The following OGFOD3 variants were observed in gnomAD, a reference collection of about 807,000 sequenced individuals.
The protein encoded by OGFOD3 is 2-oxoglutarate and iron dependent oxygenase domain containing 3.
Under a neutral mutation model 39.8 loss-of-function variants are expected in OGFOD3, and 35 were observed. The observed-to-expected ratio is 0.88, with a 90% confidence interval of 0.67 to 1.17. The LOEUF is 1.17. Ranked by LOEUF, OGFOD3 falls within the 50% of genes most tolerant of loss-of-function variation. The probability of loss-of-function intolerance (pLI) is 0.00; values close to 1 mark genes in which losing one functional copy is unlikely to be tolerated. For missense variants in OGFOD3, 438 were observed against 454.5 expected, an observed-to-expected ratio of 0.96 and a Z score of 0.33; for synonymous variants, 200 against 192.0, an observed-to-expected ratio of 1.04 and a Z score of -0.34.
At position 82,415,852 on chromosome 17, in the gene OGFOD3, G is replaced by A. The variant is rs1025543809; in HGVS notation, c.75-225C>T. ...TACACACTAACTGCCTTCTGAGCCC[G>A]GGAGTTTGAGAAATATTGCAATAGA... On this transcript the variant is annotated intron_variant, in intron 1 of 8. Coordinates refer to ENST00000313056, the MANE Select transcript of OGFOD3 (RefSeq NM_024648.3). The surrounding 1 kb of genome is among the most constrained non-coding windows in gnomAD (Gnocchi z 5.3). Among the ~76,000 whole-genome samples the A allele has an allele frequency of 6.6e-6, 1 of 151,812 alleles. No individual in the cohort carries two copies. The highest frequency in any genetic ancestry group is 2.4e-5 in the African/African-American group (1 of 41,260).
At chr17:82,402,410 G>A (rs956004748) in intron 7 of OGFOD3, among the ~76,000 whole-genome samples, 2 of 150,464 alleles carry the variant, frequency 1.3e-5, no homozygotes, top group East Asian at 3.9e-4. Flanking sequence ...ACTCCAACCT[G>A]GGCAACAGAA....
Position 82,404,128 on chromosome 17 carries a change from C to T in OGFOD3, c.546-38G>A, listed in dbSNP as rs749647456. On this transcript the variant is annotated intron_variant, in intron 6 of 8. Coordinates refer to ENST00000313056, the MANE Select transcript of OGFOD3 (RefSeq NM_024648.3). This position sits in a 1 kb window ranked among gnomAD's most constrained non-coding sequence, Gnocchi z 4.5. ...CAATAGCCGTCAGCGCAGCCCCAGG[C>T]GGGAGGGGACGCTCGTGGGTCCCAA... is the stretch of plus-strand genomic sequence containing the variant. 12 of 1,525,760 alleles carry T rather than the reference C, an allele frequency of 7.9e-6. No individual in the cohort carries two copies. Among genetic ancestry groups the T allele is most frequent in the South Asian group, 1.3e-5 (1 of 78,474 alleles). 94.5% of individuals were successfully genotyped at this position (1,525,760 alleles called of 1,614,324 possible). A position where few individuals can be genotyped will look rare whatever the true frequency, so the allele number is the denominator to read the frequency against.
rs1312048740 is a variant in OGFOD3 at position 82,392,714 on chromosome 17, G to A, written c.824-180C>T. The A allele has an allele frequency of 1.3e-5, 10 of 750,266 alleles. No individual in the cohort carries two copies. The highest frequency in any genetic ancestry group is 3.9e-5 in the South Asian group (2 of 51,894). 46.5% of individuals were successfully genotyped at this position (750,266 alleles called of 1,614,324 possible). A position where few individuals can be genotyped will look rare whatever the true frequency, so the allele number is the denominator to read the frequency against. On this transcript the variant is annotated intron_variant, in intron 8 of 8. Coordinates refer to ENST00000313056, the MANE Select transcript of OGFOD3 (RefSeq NM_024648.3). The surrounding 1 kb of genome is among the most constrained non-coding windows in gnomAD (Gnocchi z 4.2). ...GGAAGGAGGAGCTGGAGAAACAAAC[G>A]CAGCAATGCTCAGGGGCCCTGTGGC...
chr17:82,404,718 A>G lies in OGFOD3; in HGVS notation c.545+606T>C, dbSNP rs1450634101. ...CCCTCATCTCAACCTGGGCTCCTCC[A>G]GCAGAATTTTTTCTTTTCTTTTCTT... is the stretch of plus-strand genomic sequence containing the variant. On this transcript the variant is annotated intron_variant, in intron 6 of 8. Coordinates refer to ENST00000313056, the MANE Select transcript of OGFOD3 (RefSeq NM_024648.3). This position sits in a 1 kb window ranked among gnomAD's most constrained non-coding sequence, Gnocchi z 4.5. Among the ~76,000 whole-genome samples the G allele has an allele frequency of 4.0e-5, 6 of 149,842 alleles. No homozygotes were observed. In the East Asian group the frequency reaches 7.8e-4, roughly 19 times the overall value.
chr17:82,392,511 C>T lies in OGFOD3; in HGVS notation c.847G>A (p.Gly283Arg). Reference sequence around the variant, plus strand: ...TCCACGCGGTGTAGGTTCTCGGACCCCGAGGTGAAGAAGGAGACGCGACCT... The same window carrying T: ...TCCACGCGGTGTAGGTTCTCGGACCTCGAGGTGAAGAAGGAGACGCGACCT... ...RAGRVSFFTS[G>R]SENLHRVEKV... The change falls in exon 9 of 9, where the codon GGG becomes AGG. Residue 283 changes from glycine to arginine, a missense_variant. Physicochemically the swap from Gly to Arg is moderately radical, Grantham distance 125 (BLOSUM62 -2). Coordinates refer to ENST00000313056, the MANE Select transcript of OGFOD3 (RefSeq NM_024648.3). The surrounding 1 kb of genome is among the most constrained non-coding windows in gnomAD (Gnocchi z 4.2). 1 of 1,597,890 alleles carries T rather than the reference C, an allele frequency of 6.3e-7. No individual in the cohort carries two copies. Among genetic ancestry groups the T allele is most frequent in the Non-Finnish European group, 8.5e-7 (1 of 1,172,942 alleles).
At chr17:82,409,535 T>A in intron 3 of OGFOD3, 125 bp from the exon 4 acceptor site, 1 of 863,374 alleles carries the variant, frequency 1.2e-6, no homozygotes, top group Non-Finnish European at 1.9e-6. Context: ...GTTTATGATG[T>A]AAACAAATGT....
rs754648052 is a variant in OGFOD3 at position 82,415,371 on chromosome 17, T to C, written c.304+27A>G. 2.6e-5 allele frequency: 42 copies of C among 1,599,588 alleles called. No individual in the cohort carries two copies. Among genetic ancestry groups the C allele is most frequent in the Admixed American group, 1.5e-4 (9 of 59,634 alleles). On this transcript the variant is annotated intron_variant, in intron 2 of 8. Coordinates refer to ENST00000313056, the MANE Select transcript of OGFOD3 (RefSeq NM_024648.3). This position sits in a 1 kb window ranked among gnomAD's most constrained non-coding sequence, Gnocchi z 5.3. Reference sequence around the variant, plus strand: ...TGTCCTTTAACCACACTGAGTCTCATTTTAAAGTGTTGCTTTCCTGAACTA... The same window carrying C: ...TGTCCTTTAACCACACTGAGTCTCACTTTAAAGTGTTGCTTTCCTGAACTA...
At chr17:82,401,818 A>AAAC (rs2052770669) in intron 7 of OGFOD3, among the ~76,000 whole-genome samples, 1 of 149,832 alleles carries the variant, frequency 6.7e-6, no homozygotes. Context: ...AAAAAAAAAA[A>AAAC]AAAAACAAAG....
intron 7 of OGFOD3, among the ~76,000 whole-genome samples, 166 bp from the exon 8 acceptor site, chr17:82,398,485 C>A (rs761314366): frequency 1.3e-5 from 2 of 152,124 alleles, no homozygotes; most frequent in Admixed American, 1.3e-4. Flanking sequence ...CTGCAATCTC[C>A]GCCTCCCAGG....
intron 4 of OGFOD3, among the ~76,000 whole-genome samples, chr17:82,407,948 G>T (rs1448284283): frequency 6.6e-6 from 1 of 152,160 alleles, no homozygotes; most frequent in African/African-American, 2.4e-5. Context: ...TTCAAGACCA[G>T]CCTGGCCAAC....
chr17:82,403,770 C>G, intron 7 of OGFOD3, 167 bp downstream of exon 7: 1 of 854,178 alleles, frequency 1.2e-6, no homozygotes, highest in Non-Finnish European at 1.8e-6. Context: ...CGCGCTCACC[C>G]TGCCCACGTG....
At chr17:82,418,366 C>T (rs1271794614) in intron 1 of OGFOD3, 46 bp downstream of exon 1, 5 of 1,347,614 alleles carry the variant, frequency 3.7e-6, no homozygotes, top group East Asian at 6.2e-5. Context: ...CACTCCATGG[C>T]CCTGTCCGCC....
rs1381878185 is a variant in OGFOD3 at position 82,404,864 on chromosome 17, C to T, written c.545+460G>A. On this transcript the variant is annotated intron_variant, in intron 6 of 8. Coordinates refer to ENST00000313056, the MANE Select transcript of OGFOD3 (RefSeq NM_024648.3). This position sits in a 1 kb window ranked among gnomAD's most constrained non-coding sequence, Gnocchi z 4.5. ...TAAGCAATTGTCCTGCCTCAGCCTC[C>T]GGGGTAGCTGGGATTACAGGCACCC... 6.6e-6 allele frequency among the ~76,000 whole-genome samples: 1 copy of T among 151,892 alleles called. No individual in the cohort carries two copies. The highest frequency in any genetic ancestry group is 1.9e-4 in the East Asian group (1 of 5,162).
intron 4 of OGFOD3, among the ~76,000 whole-genome samples, 181 bp downstream of exon 4, chr17:82,409,187 C>T (rs896966622): frequency 5.3e-5 from 8 of 152,210 alleles, no homozygotes; most frequent in East Asian, 1.9e-4. Flanking sequence ...AACGAGGGGA[C>T]GCCGCACGGG....
chr17:82,416,812 A>G (rs2053054412), intron 1 of OGFOD3, among the ~76,000 whole-genome samples: 1 of 152,078 alleles, frequency 6.6e-6, no homozygotes. Context: ...CTAGGATTAC[A>G]GGCGTGCACC....
rs112491015 is a variant in OGFOD3, at chr17:82,392,072, C to T, written c.*326G>A. On this transcript the variant is annotated 3_prime_UTR_variant, in exon 9 of 9. Coordinates refer to ENST00000313056, the MANE Select transcript of OGFOD3 (RefSeq NM_024648.3). The surrounding 1 kb of genome is among the most constrained non-coding windows in gnomAD (Gnocchi z 4.2). ...GGGCCGGGGGGTTGCTGAACCTGGA[C>T]GAGTCCCGGGGGGTTGCTGAACCTG... 8.8e-3 allele frequency: 2,902 copies of T among 331,636 alleles called. 25 individuals are homozygous for T. The highest frequency in any genetic ancestry group is 0.012 in the Non-Finnish European group (2,228 of 180,578). The allele number at this position is 331,636 out of a possible 1,614,324, so 20.5% of individuals were successfully genotyped here.
intron 4 of OGFOD3, among the ~76,000 whole-genome samples, chr17:82,407,821 G>A (rs1431738707): frequency 2.0e-5 from 3 of 152,154 alleles, no homozygotes; most frequent in African/African-American, 4.8e-5. Flanking sequence ...AATAGCCCCC[G>A]AACTGAACCA....
At chr17:82,403,783 T>A in intron 7 of OGFOD3, 154 bp downstream of exon 7, 36 of 747,630 alleles carry the variant, frequency 4.8e-5, no homozygotes, top group Non-Finnish European at 6.4e-5. Flanking sequence ...CCCACGTGCG[T>A]ACTCACCCTG....
At chr17:82,398,480 A>G (rs900539452) in intron 7 of OGFOD3, among the ~76,000 whole-genome samples, 161 bp from the exon 8 acceptor site, 3 of 152,102 alleles carry the variant, frequency 2.0e-5, no homozygotes, top group African/African-American at 7.2e-5. Context: ...GCTCACTGCA[A>G]TCTCCGCCTC....
Sources: allele counts gnomAD v4.1 joint callset (sites outside exome capture counted in the v4.1 genomes callset), GRCh38; gene constraint gnomAD v4.1.1; non-coding constraint Gnocchi (gnomAD v3.1); transcripts MANE v1.5; gene names NCBI Gene and HGNC (gene_info 2026-07-23, HGNC 2026-07-21).